Variants in KANSL1 observed in about 807,000 individuals in gnomAD.
The protein encoded by KANSL1 is MLL1/MLL complex subunit KANSL1.
Under a neutral mutation model 103.6 loss-of-function variants are expected in KANSL1, and 22 were observed. The observed-to-expected ratio is 0.21, with a 90% CI of 0.15 to 0.30. The LOEUF is 0.30. KANSL1 is among the 10% of genes least tolerant of loss of function. The probability of loss-of-function intolerance (pLI) is 1.00; values close to 1 mark genes in which losing one functional copy is unlikely to be tolerated. For missense variants in KANSL1, 1,337 were observed against 1,399.8 expected (o/e 0.96, Z 0.72); for synonymous variants, 600 against 527.6 (o/e 1.14, Z -1.88).
At chr17:46,135,520 A>AT (rs1251187699) in intron 2 of KANSL1, among the ~76,000 whole-genome samples, 2 of 148,784 alleles carry the variant, frequency 1.3e-5, no homozygotes, top group East Asian at 2.0e-4. Context: ...AAGGTGACAG[A>AT]TTTTTTTCCC....
At chr17:46,150,045 A>G (rs913699321) in intron 2 of KANSL1, among the ~76,000 whole-genome samples, 1 of 149,892 alleles carries the variant, frequency 6.7e-6, no homozygotes, top group Non-Finnish European at 1.5e-5. Flanking sequence ...TAAATAAAAA[A>G]TAAAAGTCAC....
chr17:46,032,974 G>A, intron 13 of KANSL1, 106 bp downstream of exon 13: 1 of 826,580 alleles, frequency 1.2e-6, no homozygotes, highest in Admixed American at 2.9e-5. Context: ...AGATGAGTAT[G>A]ATGAGCAACC....
At chr17:46,216,694 T>A (rs1384058716) in intron 1 of KANSL1, among the ~76,000 whole-genome samples, 1 of 152,162 alleles carries the variant, frequency 6.6e-6, no homozygotes, top group Non-Finnish European at 1.5e-5. Flanking sequence ...CTTTAAGTCA[T>A]GCTATCAATT....
intron 2 of KANSL1, chr17:46,170,627 A>G: frequency 1.9e-6 from 1 of 518,652 alleles, no homozygotes; most frequent in Non-Finnish European, 3.3e-6. Flanking sequence ...TAGACTTCAA[A>G]AGGAAATTAC....
chr17:46,046,745 G>A (rs1200801410), intron 7 of KANSL1, among the ~76,000 whole-genome samples: 5 of 151,012 alleles, frequency 3.3e-5, no homozygotes, highest in African/African-American at 1.2e-4. Flanking sequence ...GCTGAGGCAG[G>A]AGAATTGCTT....
chr17:46,204,732 A>G (rs149923453), intron 1 of KANSL1, among the ~76,000 whole-genome samples: 174 of 152,368 alleles, frequency 1.1e-3, no homozygotes, highest in Non-Finnish European at 1.7e-3. Flanking sequence ...CAACATATTA[A>G]AAGGCTTATA....
intron 2 of KANSL1, among the ~76,000 whole-genome samples, chr17:46,126,440 CA>C (rs149079649): frequency 6.6e-6 from 1 of 150,570 alleles, no homozygotes; most frequent in African/African-American, 2.4e-5. Context: ...AACTACGTCT[CA>C]AAAAAAAAGT....
chr17:46,194,057 G>T (rs62060950), upstream of KANSL1, among the ~76,000 whole-genome samples: 68 of 121,364 alleles, frequency 5.6e-4, no homozygotes, highest in Middle Eastern at 5.1e-3. Flanking sequence ...AGTTGGGCGG[G>T]GTGGGGAGGG....
chr17:46,175,552 G>A (rs912724140), intron 1 of KANSL1, among the ~76,000 whole-genome samples: 7 of 152,086 alleles, frequency 4.6e-5, no homozygotes, highest in Non-Finnish European at 5.9e-5. Context: ...GTTTCACCAC[G>A]TTGGCCAAGC....
At position 46,043,217 on chromosome 17, in the gene KANSL1, T is replaced by A. The variant is rs1313196643; in HGVS notation, c.2021-3333A>T. On this transcript the variant is annotated intron_variant, in intron 7 of 14. Transcript: ENST00000432791. ...TGGCAAAGGCTGTGTATGTTTTGTA[T>A]ATATATGTAATGGAACTCCAAAAAA... 9 of 152,158 alleles carry A rather than the reference T, an allele frequency of 5.9e-5. No homozygotes were observed. The East Asian group carries it at 1.5e-3, about 26-fold the overall frequency. 9.4% of individuals were successfully genotyped at this position (152,158 alleles called of 1,614,324 possible).
In KANSL1 at chr17:46,032,262, G is replaced by T; in HGVS notation, c.2875C>A (p.Leu959Met). 1 of 1,537,710 alleles carries T rather than the reference G, an allele frequency of 6.5e-7. No individual in the cohort carries two copies. The highest frequency in any genetic ancestry group is 8.8e-7 in the Non-Finnish European group (1 of 1,141,454). Residue 959 changes from leucine (L) to methionine (M), a missense_variant, in exon 14 of 15, where the codon CTG becomes ATG. Coordinates refer to ENST00000432791, the MANE Select transcript of KANSL1 (RefSeq NM_015443.4). Reference protein sequence around the residue: ...RSSDGRTTPQLGSANPSTPQP... With the variant: ...RSSDGRTTPQMGSANPSTPQP... ...GGGGTGGAGGGGTTGGCACTGCCCA[G>T]CTGGGGGGTTGTCCGGCCGTCTGAT...
At chr17:46,097,070 C>T (rs930160744) in intron 2 of KANSL1, among the ~76,000 whole-genome samples, 5 of 152,216 alleles carry the variant, frequency 3.3e-5, no homozygotes, top group African/African-American at 1.2e-4. Flanking sequence ...ACTACACATT[C>T]CTCTGCATAA....
At chr17:46,166,763 G>T (rs1156329263) in intron 2 of KANSL1, among the ~76,000 whole-genome samples, 2 of 152,138 alleles carry the variant, frequency 1.3e-5, no homozygotes, top group African/African-American at 4.8e-5. Context: ...TAAATTTCCA[G>T]ATGTCAATAG....
At position 46,156,899 on chromosome 17, in the gene KANSL1, CA is replaced by C. The variant is rs200919070; in HGVS notation, c.1289+13955del. The C allele has an allele frequency of 4.8e-3, 528 of 110,622 alleles. 2 individuals are homozygous for C. The highest frequency in any genetic ancestry group is 4.6e-3 in the Admixed American group (49 of 10,538). The allele number at this position is 110,622 out of a possible 1,614,324, so 6.9% of individuals were successfully genotyped here. A position where few individuals can be genotyped will look rare whatever the true frequency, so the allele number is the denominator to read the frequency against. On this transcript the variant is annotated intron_variant, in intron 2 of 14. Coordinates refer to ENST00000432791, the MANE Select transcript of KANSL1 (RefSeq NM_015443.4). Reference sequence around the variant, plus strand: ...GGGTGACAGAGTGAGACTCTATCTCCAAAAAAAAAAAAAAAAATCAGTCACA... The same window carrying C: ...GGGTGACAGAGTGAGACTCTATCTCCAAAAAAAAAAAAAAAATCAGTCACA...
intron 1 of KANSL1, among the ~76,000 whole-genome samples, chr17:46,209,108 G>A (rs1486024538): frequency 4.0e-5 from 6 of 151,872 alleles, no homozygotes; most frequent in African/African-American, 9.7e-5. Flanking sequence ...GCTTGAACCC[G>A]GGAGTCGGAG....
At chr17:46,039,302 G>T in intron 8 of KANSL1, 87 bp from the exon 9 acceptor site, 1 of 1,257,276 alleles carries the variant, frequency 8.0e-7, no homozygotes, top group Non-Finnish European at 1.1e-6. Flanking sequence ...GTTCTCTCTA[G>T]GCCAACGCCG....
intron 2 of KANSL1, among the ~76,000 whole-genome samples, chr17:46,116,122 A>C (rs1474469083): frequency 6.6e-6 from 1 of 152,284 alleles, no homozygotes; most frequent in Non-Finnish European, 1.5e-5. Context: ...AACTAGACCC[A>C]ACTTCAAACT....
At chr17:46,075,873 AC>A (rs1361508052) in intron 4 of KANSL1, among the ~76,000 whole-genome samples, 1 of 152,048 alleles carries the variant, frequency 6.6e-6, no homozygotes, top group Non-Finnish European at 1.5e-5. Flanking sequence ...TACTCCCTAC[AC>A]CATGCTTCAG....
rs1424994264 is a variant in KANSL1 at position 46,038,694 on chromosome 17, A to C, written c.2393-8T>G. ...CTGTGTGATGCTTCAACACTGCAGA[A>C]GTCAACAGAAAAGAGAGAAATACAT... On this transcript the variant is annotated splice_region_variant and splice_polypyrimidine_tract_variant and intron_variant, in intron 9 of 14. Transcript: ENST00000432791. 1 of 1,614,090 alleles carries C rather than the reference A, an allele frequency of 6.2e-7. No homozygotes were observed. Among genetic ancestry groups the C allele is most frequent in the Admixed American group, 1.7e-5 (1 of 60,018 alleles).
Sources: allele counts gnomAD v4.1 joint callset (sites outside exome capture counted in the v4.1 genomes callset), GRCh38; gene constraint gnomAD v4.1.1; transcripts MANE v1.5; gene names NCBI Gene and HGNC (gene_info 2026-07-23, HGNC 2026-07-21).